Variants in CD200R1 observed in about 807,000 individuals in gnomAD.
The protein encoded by CD200R1 is cell surface glycoprotein CD200 receptor 1.
Under a neutral mutation model 38.1 loss-of-function variants are expected in CD200R1, and 30 were observed. That is an observed-to-expected ratio of 0.79 (90% CI 0.59 to 1.07). The LOEUF (loss-of-function observed/expected upper bound fraction) is 1.07, where lower values mean the gene tolerates loss of function less well. Among genes scored for constraint, CD200R1 ranks in the 50% least tolerant of loss-of-function variants. CD200R1 has a pLI of 0.00. For missense variants in CD200R1, 372 were observed against 415.4 expected (o/e 0.90, Z 0.91); for synonymous variants, 128 against 152.1 (o/e 0.84, Z 1.16).
chr3:112,956,822 C>T (rs1047480399), intron 1 of CD200R1, among the ~76,000 whole-genome samples: 1 of 152,320 alleles, frequency 6.6e-6, no homozygotes, highest in African/African-American at 2.4e-5. Context: ...TGTTGGAATG[C>T]ACCCAATGCC....
chr3:112,973,699 A>T (rs1026850880), intron 1 of CD200R1, among the ~76,000 whole-genome samples: 3 of 152,240 alleles, frequency 2.0e-5, no homozygotes, highest in Admixed American at 6.5e-5. Context: ...GATAAGCAGC[A>T]TTTTAAAGTC....
intron 3 of CD200R1, 65 bp downstream of exon 3, chr3:112,931,040 TA>T: frequency 8.8e-7 from 1 of 1,141,262 alleles, no homozygotes; most frequent in Non-Finnish European, 1.3e-6. Context: ...GGTCATTAGC[TA>T]ATATTTCTAA....
At chr3:112,952,864 A>C (rs552613288) in intron 1 of CD200R1, among the ~76,000 whole-genome samples, 7 of 152,266 alleles carry the variant, frequency 4.6e-5, no homozygotes, top group Non-Finnish European at 1.0e-4. Context: ...GTTGTCTGCA[A>C]ACAGGAACAA....
intron 2 of CD200R1, among the ~76,000 whole-genome samples, chr3:112,939,290 A>C (rs923407257): frequency 1.3e-5 from 2 of 151,980 alleles, no homozygotes; most frequent in Non-Finnish European, 2.9e-5. Context: ...TTAGGCAAGA[A>C]AAATAAATAA....
intron 2 of CD200R1, among the ~76,000 whole-genome samples, chr3:112,938,892 C>A (rs1468517919): frequency 1.3e-5 from 2 of 151,920 alleles, no homozygotes; most frequent in African/African-American, 4.8e-5. Flanking sequence ...CAAATGAATT[C>A]AACAGAACAT....
At chr3:112,968,658 G>T (rs1933225374) in intron 1 of CD200R1, among the ~76,000 whole-genome samples, 1 of 152,222 alleles carries the variant, frequency 6.6e-6, no homozygotes. Flanking sequence ...CCAGCAGGCA[G>T]ATTTTAGGGC....
chr3:112,965,653 C>T (rs889516780), intron 1 of CD200R1, among the ~76,000 whole-genome samples: 3 of 152,026 alleles, frequency 2.0e-5, no homozygotes, highest in South Asian at 2.1e-4. Context: ...CCCAGCTCCT[C>T]GGGAGGCTAA....
At position 112,929,462 on chromosome 3, in the gene CD200R1, C is replaced by A; in HGVS notation, c.248G>T (p.Cys83Phe). 1 of 1,613,654 alleles carries A rather than the reference C, an allele frequency of 6.2e-7. No homozygotes were observed. The highest frequency in any genetic ancestry group is 1.1e-5 in the South Asian group (1 of 91,068). ...PVKMATNAVL[C>F]CPPIALRNLI... ...ATTTCTTAATGCGATAGGAGGGCAA[C>A]AAAGCACAGCATTTGTAGCCATCTT... The change falls in exon 4 of 8, where the codon TGT (cysteine) becomes TTT (phenylalanine). Residue 83 changes from cysteine (C) to phenylalanine (F), a missense_variant. Cys to Phe is a radical substitution (Grantham distance 205, BLOSUM62 -2). Transcript: ENST00000308611.
chr3:112,967,828 A>T (rs1933205430), intron 1 of CD200R1, among the ~76,000 whole-genome samples: 1 of 152,186 alleles, frequency 6.6e-6, no homozygotes, highest in Non-Finnish European at 1.5e-5. Context: ...TAATTTTTGT[A>T]CTATGAAGGT....
chr3:112,939,620 C>T (rs1472895026), intron 2 of CD200R1, among the ~76,000 whole-genome samples: 1 of 151,600 alleles, frequency 6.6e-6, no homozygotes, highest in East Asian at 1.9e-4. Context: ...AGCCATACAA[C>T]ACTGCAGAAA....
intron 5 of CD200R1, among the ~76,000 whole-genome samples, chr3:112,928,162 A>T (rs1400122217): frequency 6.6e-6 from 1 of 152,204 alleles, no homozygotes; most frequent in East Asian, 1.9e-4. Context: ...CAGAAGAAAC[A>T]CTGGAAAATT....
Position 112,928,920 on chromosome 3 carries a change from G to T in CD200R1, c.665C>A (p.Thr222Asn). 1 of 1,613,990 alleles carries T rather than the reference G, an allele frequency of 6.2e-7. No individual in the cohort carries two copies. Among genetic ancestry groups the T allele is most frequent in the Non-Finnish European group, 8.5e-7 (1 of 1,179,976 alleles). Residue 222 changes from threonine (T) to asparagine (N), a missense_variant, in exon 5 of 8, where the codon ACT becomes AAT. Thr to Asn is a moderately conservative substitution (Grantham distance 65). Coordinates refer to ENST00000308611, the MANE Select transcript of CD200R1 (RefSeq NM_138806.4). Reference protein sequence around the residue: ...KQEYWSNGTVTVKSTCHWEVH... With the variant: ...KQEYWSNGTVNVKSTCHWEVH... ...CTCCCAGTGGCATGTACTCTTAACAGTCACTGTGCCATTGCTCCAGTATTC... is the reference window on the plus strand; with the variant it reads ...CTCCCAGTGGCATGTACTCTTAACATTCACTGTGCCATTGCTCCAGTATTC...
rs1940216305 is a variant in CD200R1, at chr3:112,923,542, C to T, written c.*135G>A. The T allele has an allele frequency of 3.8e-6, 2 of 521,730 alleles. No homozygotes were observed. Among genetic ancestry groups the T allele is most frequent in the Non-Finnish European group, 6.8e-6 (2 of 292,856 alleles). The allele number at this position is 521,730 out of a possible 1,614,324, so 32.3% of individuals were successfully genotyped here. Reference sequence around the variant, plus strand: ...ATTATACAAGGGTATGAATGAGAATCCATTAAAATGTCTTCTAAGAACCTT... The same window carrying T: ...ATTATACAAGGGTATGAATGAGAATTCATTAAAATGTCTTCTAAGAACCTT... On this transcript the variant is annotated 3_prime_UTR_variant, in exon 8 of 8. Coordinates refer to ENST00000308611, the MANE Select transcript of CD200R1 (RefSeq NM_138806.4).
chr3:112,929,182 C>T lies in CD200R1; in HGVS notation c.520+8G>A, dbSNP rs1303880534. 1 of 1,614,140 alleles carries T rather than the reference C, an allele frequency of 6.2e-7. No homozygotes were observed. The highest frequency in any genetic ancestry group is 8.5e-7 in the Non-Finnish European group (1 of 1,180,000). ...ATGTGAAATACCTCAATATATGATGCTCCTTACCTAACACTTGGAGGTGAT... is the reference window on the plus strand; with the variant it reads ...ATGTGAAATACCTCAATATATGATGTTCCTTACCTAACACTTGGAGGTGAT... On this transcript the variant is annotated splice_region_variant and intron_variant, in intron 4 of 7. Transcript: ENST00000308611.
chr3:112,927,590 G>C (rs922823821), intron 5 of CD200R1, among the ~76,000 whole-genome samples: 46 of 152,066 alleles, frequency 3.0e-4, no homozygotes, highest in Non-Finnish European at 7.4e-5. Flanking sequence ...ATGTATAGAA[G>C]ACAGAAGAAA....
rs1647056477 is a variant in CD200R1 at position 112,922,567 on chromosome 3, A to C, written c.*1110T>G. 6.6e-6 allele frequency: 1 copy of C among 152,014 alleles called. No homozygotes were observed. The highest frequency in any genetic ancestry group is 1.5e-5 in the Non-Finnish European group (1 of 67,928). 9.4% of individuals were successfully genotyped at this position (152,014 alleles called of 1,614,324 possible). On this transcript the variant is annotated 3_prime_UTR_variant, in exon 8 of 8. Coordinates refer to ENST00000308611, the MANE Select transcript of CD200R1 (RefSeq NM_138806.4). ...GTACACCATAAAAATACACAATTCC[A>C]ATGTAGCACATCTGCAAAACTGTTA...
At chr3:112,931,824 C>T (rs937660506) in intron 2 of CD200R1, among the ~76,000 whole-genome samples, 12 of 151,888 alleles carry the variant, frequency 7.9e-5, no homozygotes, top group Non-Finnish European at 1.6e-4. Flanking sequence ...TGCAGGAGTG[C>T]AGAAAAGTAG....
Position 112,973,883 on chromosome 3 carries a change from T to A in CD200R1, c.67+908A>T, listed in dbSNP as rs143076115. 5.3e-5 allele frequency among the ~76,000 whole-genome samples: 8 copies of A among 152,260 alleles called. No homozygotes were observed. The East Asian group carries it at 1.5e-3, about 29-fold the overall frequency. ...CAGTGAAACCAGGACACCCCCACAG[T>A]GGCCCAAGTTCTCTATAACTTCTAT... On this transcript the variant is annotated intron_variant, in intron 1 of 7. Coordinates refer to ENST00000308611, the MANE Select transcript of CD200R1 (RefSeq NM_138806.4).
intron 1 of CD200R1, among the ~76,000 whole-genome samples, chr3:112,961,285 T>A (rs1186508585): frequency 1.3e-5 from 2 of 152,066 alleles, no homozygotes; most frequent in Non-Finnish European, 2.9e-5. Context: ...GATGATTATA[T>A]ATGTCATTGA....
Sources: gnomAD v4.1 joint callset for allele counts (sites outside exome capture counted in the v4.1 genomes callset) on GRCh38, gnomAD v4.1.1 for gene constraint, MANE v1.5 for transcripts, NCBI Gene and HGNC (gene_info 2026-07-23, HGNC 2026-07-21) for gene names.